Variants in DPP10 observed in about 807,000 individuals in gnomAD.
DPP10 encodes inactive dipeptidyl peptidase 10.
In DPP10, 33 loss-of-function variants were observed where a neutral mutation model predicts 120.9. The ratio of observed to expected loss-of-function variants is 0.27; its 90% CI spans 0.21 to 0.37. The LOEUF (loss-of-function observed/expected upper bound fraction) is 0.37. Among genes scored for constraint, DPP10 ranks in the 10% least tolerant of loss-of-function variants. DPP10 has a pLI of 1.00. For synonymous variants in DPP10, 337 were observed against 326.1 expected, an observed-to-expected ratio of 1.03 and a Z score of -0.36; for missense variants, 816 against 942.8, an observed-to-expected ratio of 0.87 and a Z score of 1.76.
chr2:115,209,952 G>C (rs909428106), intron 1 of DPP10, among the ~76,000 whole-genome samples: 1 of 152,144 alleles, frequency 6.6e-6, no homozygotes, highest in African/African-American at 2.4e-5. Context: ...CTTTGAGGTG[G>C]AGGATTGTTT....
intron 1 of DPP10, among the ~76,000 whole-genome samples, chr2:115,002,539 A>G (rs1023599299): frequency 4.6e-5 from 7 of 152,180 alleles, no homozygotes; most frequent in Admixed American, 4.6e-4. Context: ...TGAACTAAAG[A>G]GCTACTGCTC....
At chr2:115,300,498 G>T (rs2061078211) in intron 1 of DPP10, among the ~76,000 whole-genome samples, 1 of 151,960 alleles carries the variant, frequency 6.6e-6, no homozygotes, top group African/African-American at 2.4e-5. Flanking sequence ...TGATCATCTG[G>T]GTTGTTTCCA....
chr2:115,027,938 G>T (rs185567425), intron 1 of DPP10, among the ~76,000 whole-genome samples: 1 of 152,042 alleles, frequency 6.6e-6, no homozygotes, highest in East Asian at 1.9e-4. Flanking sequence ...TTGTATTTCT[G>T]TAGTTAGTTG....
At chr2:115,604,243 G>T (rs905043027) in intron 5 of DPP10, among the ~76,000 whole-genome samples, 5 of 152,076 alleles carry the variant, frequency 3.3e-5, no homozygotes, top group Non-Finnish European at 5.9e-5. Context: ...GTCCTCCTGA[G>T]AGAGTAGCCC....
intron 2 of DPP10, among the ~76,000 whole-genome samples, chr2:115,331,818 G>C (rs913322090): frequency 3.9e-5 from 6 of 152,164 alleles, no homozygotes; most frequent in Admixed American, 3.9e-4. Context: ...TGCTGGATTC[G>C]GTTTGCCAGT....
chr2:114,821,465 C>T lies in DPP10; in HGVS notation c.60+378627C>T, dbSNP rs150304071. 8.7e-3 allele frequency among the ~76,000 whole-genome samples: 1,330 copies of T among 152,204 alleles called. 18 individuals are homozygous for T. The highest frequency in any genetic ancestry group is 0.03 in the African/African-American group (1,238 of 41,526). Reference sequence around the variant, plus strand: ...ATTTTTGCAGCTGCTTTAAAAGAAACGAAAACTTTTTCTATCTGCCTAAAA... The same window carrying T: ...ATTTTTGCAGCTGCTTTAAAAGAAATGAAAACTTTTTCTATCTGCCTAAAA... On this transcript the variant is annotated intron_variant, in intron 1 of 25. Transcript: ENST00000410059.
chr2:115,224,098 A>G (rs913933063), intron 1 of DPP10, among the ~76,000 whole-genome samples: 4 of 152,192 alleles, frequency 2.6e-5, no homozygotes, highest in African/African-American at 9.6e-5. Context: ...TCTATTAAAT[A>G]GAAAACAGTC....
intron 3 of DPP10, among the ~76,000 whole-genome samples, chr2:115,389,491 C>T (rs1010518586): frequency 6.6e-6 from 1 of 152,190 alleles, no homozygotes; most frequent in Non-Finnish European, 1.5e-5. Flanking sequence ...TCTGCTACCT[C>T]TCACATGAGC....
chr2:115,238,008 C>A (rs1016748744), intron 1 of DPP10, among the ~76,000 whole-genome samples: 7 of 152,092 alleles, frequency 4.6e-5, no homozygotes, highest in Non-Finnish European at 1.0e-4. Context: ...TGAAGTTGGC[C>A]ACACTAGACA....
intron 3 of DPP10, among the ~76,000 whole-genome samples, chr2:115,379,602 A>G (rs1409159048): frequency 6.6e-6 from 1 of 151,832 alleles, no homozygotes; most frequent in Non-Finnish European, 1.5e-5. Flanking sequence ...TAGCTTTTGA[A>G]TGTGTTTGCT....
intron 1 of DPP10, among the ~76,000 whole-genome samples, chr2:114,548,855 C>T (rs6738538): frequency 0.29 from 43,843 of 151,870 alleles, 7,738 homozygotes; most frequent in African/African-American, 0.51. Flanking sequence ...GACACACATA[C>T]GAAAGCTGAC....
chr2:115,517,934 T>C (rs1230279213), intron 4 of DPP10, among the ~76,000 whole-genome samples: 1 of 152,228 alleles, frequency 6.6e-6, no homozygotes, highest in Admixed American at 6.5e-5. Context: ...GCGAAAAGCA[T>C]GGCCCTGGCA....
intron 1 of DPP10, among the ~76,000 whole-genome samples, chr2:115,056,823 G>T (rs753265721): frequency 5.3e-5 from 8 of 152,154 alleles, no homozygotes; most frequent in Non-Finnish European, 8.8e-5. Context: ...TGGGGATATC[G>T]GCTTATAGCC....
chr2:115,529,600 T>G (rs377633301), intron 5 of DPP10, among the ~76,000 whole-genome samples: 5 of 152,230 alleles, frequency 3.3e-5, no homozygotes, highest in African/African-American at 1.2e-4. Context: ...ATTTATAGTT[T>G]TATGCAAATC....
chr2:115,748,049 A>ATTGAAT (rs1283096307), intron 10 of DPP10, among the ~76,000 whole-genome samples: 1 of 152,104 alleles, frequency 6.6e-6, no homozygotes, highest in Non-Finnish European at 1.5e-5. Context: ...ACATATATAA[A>ATTGAAT]TTGAATTATT....
chr2:115,806,943 G>A (rs951677929), intron 19 of DPP10, among the ~76,000 whole-genome samples: 2 of 152,046 alleles, frequency 1.3e-5, no homozygotes, highest in Admixed American at 1.3e-4. Context: ...TTATGTGCAC[G>A]TGAAAACTGA....
intron 1 of DPP10, among the ~76,000 whole-genome samples, chr2:114,859,270 A>G (rs1348809908): frequency 6.6e-6 from 1 of 151,740 alleles, no homozygotes; most frequent in Non-Finnish European, 1.5e-5. Flanking sequence ...GGGAGGCGGG[A>G]GGCAGGAGAA....
At chr2:114,755,523 T>G (rs1679645361) in intron 1 of DPP10, among the ~76,000 whole-genome samples, 1 of 152,156 alleles carries the variant, frequency 6.6e-6, no homozygotes, top group African/African-American at 2.4e-5. Flanking sequence ...ACTTATAATC[T>G]AATGGAAGAA....
intron 3 of DPP10, among the ~76,000 whole-genome samples, chr2:115,497,483 T>G (rs1280572246): frequency 6.6e-6 from 1 of 151,978 alleles, no homozygotes; most frequent in Non-Finnish European, 1.5e-5. Flanking sequence ...ACTTGTCGAG[T>G]GTTTTGTTTT....
Sources: gnomAD v4.1 joint callset for allele counts (sites outside exome capture counted in the v4.1 genomes callset) on GRCh38, gnomAD v4.1.1 for gene constraint, MANE v1.5 for transcripts, NCBI Gene and HGNC (gene_info 2026-07-23, HGNC 2026-07-21) for gene names.